The following FAM167A variants were observed in gnomAD, a reference collection of about 807,000 sequenced individuals.
The protein encoded by FAM167A is protein FAM167A.
Under a neutral mutation model 14.9 loss-of-function variants are expected in FAM167A, and 23 were observed. The observed-to-expected ratio is 1.55, with a 90% confidence interval of 1.11 to 2.19. The LOEUF is 2.19. Ranked by LOEUF, FAM167A falls within the 30% of genes most tolerant of loss-of-function variation. FAM167A has a pLI of 0.00. For synonymous variants in FAM167A, 174 were observed against 117.7 expected, an observed-to-expected ratio of 1.48 and a Z score of -3.10; for missense variants, 401 against 281.5, an observed-to-expected ratio of 1.42 and a Z score of -3.04.
At chr8:11,473,862 T>A (rs1316162541) in intron 1 of FAM167A, among the ~76,000 whole-genome samples, 1 of 152,046 alleles carries the variant, frequency 6.6e-6, no homozygotes, top group Non-Finnish European at 1.5e-5. Context: ...TCTTTTTCTT[T>A]TTCTTTTCTT....
chr8:11,455,162 T>G (rs1348773403), intron 1 of FAM167A, among the ~76,000 whole-genome samples: 1 of 132,482 alleles, frequency 7.5e-6, no homozygotes, highest in Non-Finnish European at 1.6e-5. Context: ...GTGACTGTGG[T>G]GGGGTTGTTG....
intron 1 of FAM167A, among the ~76,000 whole-genome samples, chr8:11,464,068 C>A (rs972386602): frequency 2.0e-5 from 3 of 152,180 alleles, no homozygotes; most frequent in African/African-American, 7.2e-5. Flanking sequence ...CAGCAAAGTC[C>A]TCTCGAGAGT....
chr8:11,462,336 C>G (rs1243968998), intron 1 of FAM167A, among the ~76,000 whole-genome samples: 3 of 152,198 alleles, frequency 2.0e-5, no homozygotes, highest in Non-Finnish European at 4.4e-5. Context: ...CCTCCTAGGC[C>G]TAGGTTCCAC....
In FAM167A at chr8:11,422,373, G is replaced by GTGTGGGTGTGTGTGT. The variant is rs1554521058; in HGVS notation, c.*1999_*2000insACACACACACCCACA. On this transcript the variant is annotated 3_prime_UTR_variant, in exon 3 of 3. Transcript: ENST00000284486. Reference sequence around the variant, plus strand: ...TCTCTGTCGTGTGTGTGTGTGTGGGGGTGTGTGTGTGTGTGTGTGTGTGTG... The same window carrying GTGTGGGTGTGTGTGT: ...TCTCTGTCGTGTGTGTGTGTGTGGGGTGTGGGTGTGTGTGTGTGTGTGTGTGTGTGTGTGTGTGTG... 2 of 120,196 alleles carry GTGTGGGTGTGTGTGT rather than the reference G, an allele frequency of 1.7e-5. No homozygotes were observed. The highest frequency in any genetic ancestry group is 3.6e-5 in the Non-Finnish European group (2 of 55,330). 7.4% of individuals were successfully genotyped at this position (120,196 alleles called of 1,614,324 possible).
At chr8:11,425,481 T>G (rs1285261658) in intron 2 of FAM167A, among the ~76,000 whole-genome samples, 3 of 152,238 alleles carry the variant, frequency 2.0e-5, no homozygotes, top group African/African-American at 7.2e-5. Context: ...GAGTGCTTAG[T>G]GACCTTGTAG....
intron 1 of FAM167A, among the ~76,000 whole-genome samples, chr8:11,450,131 CCT>C (rs1806965803): frequency 6.6e-6 from 1 of 152,190 alleles, no homozygotes; most frequent in Non-Finnish European, 1.5e-5. Flanking sequence ...CTTTCACACC[CCT>C]GACTCGGCAC....
intron 1 of FAM167A, among the ~76,000 whole-genome samples, chr8:11,457,139 A>T (rs1363024653): frequency 1.3e-5 from 1 of 76,284 alleles, no homozygotes; most frequent in Admixed American, 1.5e-4. Context: ...GGGCTGGGTT[A>T]GGGGTGTGGG....
chr8:11,442,983 G>A (rs561362837), intron 2 of FAM167A, among the ~76,000 whole-genome samples: 1 of 152,176 alleles, frequency 6.6e-6, no homozygotes, highest in East Asian at 1.9e-4. Flanking sequence ...TTTAGTTTTC[G>A]GGATTCTGCA....
At chr8:11,438,524 T>C (rs1309749332) in intron 2 of FAM167A, 2 of 456,926 alleles carry the variant, frequency 4.4e-6, no homozygotes, top group Non-Finnish European at 8.8e-6. Flanking sequence ...GCACTTTTGC[T>C]TCTTTGGTCT....
intron 2 of FAM167A, among the ~76,000 whole-genome samples, chr8:11,427,637 C>T (rs1393416409): frequency 2.6e-5 from 4 of 152,168 alleles, no homozygotes; most frequent in East Asian, 3.8e-4. Context: ...ACCTTGCCAG[C>T]GAGCATCTCA....
intron 1 of FAM167A, chr8:11,445,294 C>T: frequency 1.0e-6 from 1 of 985,916 alleles, no homozygotes; most frequent in Non-Finnish European, 1.2e-6. Flanking sequence ...GGTGGGTCTG[C>T]TCCGTCCAGG....
At chr8:11,446,556 C>G (rs1181331839) in intron 1 of FAM167A, 3 of 152,194 alleles carry the variant, frequency 2.0e-5, no homozygotes, top group Admixed American at 2.0e-4. Flanking sequence ...GATGCAGACA[C>G]TAGAGTTGGG....
intron 1 of FAM167A, chr8:11,446,746 G>T (rs1806801560): frequency 6.6e-6 from 1 of 152,224 alleles, no homozygotes; most frequent in African/African-American, 2.4e-5. Context: ...ACTCATGGGA[G>T]TCTCCTGTGC....
intron 2 of FAM167A, among the ~76,000 whole-genome samples, chr8:11,426,966 C>G (rs943458240): frequency 1.3e-5 from 2 of 152,206 alleles, no homozygotes; most frequent in African/African-American, 4.8e-5. Flanking sequence ...GATCAGATGT[C>G]AATTTACATT....
At chr8:11,456,077 G>C (rs1160199756) in intron 1 of FAM167A, among the ~76,000 whole-genome samples, 138 of 148,486 alleles carry the variant, frequency 9.3e-4, no homozygotes, top group African/African-American at 3.2e-3. Flanking sequence ...GTGAGTGTGA[G>C]TGTGGGAGGT....
At chr8:11,431,385 G>A (rs1805578769) in intron 2 of FAM167A, among the ~76,000 whole-genome samples, 1 of 152,228 alleles carries the variant, frequency 6.6e-6, no homozygotes, top group South Asian at 2.1e-4. Flanking sequence ...CCAAGGGCTG[G>A]GGAGAGGGGA....
chr8:11,441,795 C>G (rs1480964977), intron 2 of FAM167A, among the ~76,000 whole-genome samples: 7 of 152,206 alleles, frequency 4.6e-5, no homozygotes, highest in Admixed American at 4.6e-4. Flanking sequence ...AATGAGGCTG[C>G]AACTCATTCA....
intron 2 of FAM167A, among the ~76,000 whole-genome samples, chr8:11,439,320 C>T (rs1024782349): frequency 6.6e-6 from 1 of 152,230 alleles, no homozygotes; most frequent in Non-Finnish European, 1.5e-5. Context: ...TCGGAAGACA[C>T]TGGTGAGTAT....
upstream of FAM167A, among the ~76,000 whole-genome samples, chr8:11,469,893 TAAATA>T (rs769286417): frequency 0.12 from 16,776 of 140,460 alleles, 1,253 homozygotes; most frequent in Non-Finnish European, 0.17. Flanking sequence ...AATAAATAAA[TAAATA>T]AATAAATAAA....
Sources: allele counts gnomAD v4.1 joint callset (sites outside exome capture counted in the v4.1 genomes callset), GRCh38; gene constraint gnomAD v4.1.1; transcripts MANE v1.5; gene names NCBI Gene and HGNC (gene_info 2026-07-23, HGNC 2026-07-21).